Variants in ADGRL2 observed in about 807,000 individuals in gnomAD.
ADGRL2 encodes the protein adhesion G protein-coupled receptor L2.
A neutral mutation model predicts 157.4 loss-of-function variants in ADGRL2; 44 were observed. The ratio of observed to expected loss-of-function variants is 0.28; its 90% confidence interval spans 0.22 to 0.36. The LOEUF (loss-of-function observed/expected upper bound fraction) is 0.36. Among genes scored for constraint, ADGRL2 ranks in the 10% least tolerant of loss-of-function variants. The probability of loss-of-function intolerance (pLI) is 1.00; values close to 1 mark genes in which losing one functional copy is unlikely to be tolerated. For synonymous variants in ADGRL2, 585 were observed against 624.7 expected (o/e 0.94, Z 0.95); for missense variants, 1,510 against 1,768.9 (o/e 0.85, Z 2.63).
intron 1 of ADGRL2, among the ~76,000 whole-genome samples, chr1:81,339,009 T>G (rs143054961): frequency 6.6e-6 from 1 of 152,210 alleles, no homozygotes; most frequent in Non-Finnish European, 1.5e-5. Context: ...TAACTTTTAC[T>G]CAGCATACAA....
chr1:81,891,651 T>G (rs1271147957), intron 2 of ADGRL2, among the ~76,000 whole-genome samples: 2 of 152,196 alleles, frequency 1.3e-5, no homozygotes, highest in Non-Finnish European at 2.9e-5. Context: ...TGATACTCTT[T>G]ATTTGTAAGC....
At chr1:81,632,377 C>G (rs929271384) in intron 3 of ADGRL2, among the ~76,000 whole-genome samples, 24 of 152,122 alleles carry the variant, frequency 1.6e-4, no homozygotes, top group Admixed American at 4.6e-4. Context: ...AGGGAGAAAG[C>G]ACACACATCT....
intron 2 of ADGRL2, among the ~76,000 whole-genome samples, chr1:81,893,314 C>CTTTTTTTTTTTTT (rs759728020): frequency 2.7e-5 from 4 of 150,376 alleles, no homozygotes; most frequent in Non-Finnish European, 3.0e-5. Context: ...CTTATCAATC[C>CTTTTTTTTTTTTT]TGTCTTGTAT....
intron 1 of ADGRL2, among the ~76,000 whole-genome samples, chr1:81,723,998 T>G (rs2084425084): frequency 1.3e-5 from 2 of 152,166 alleles, no homozygotes; most frequent in Admixed American, 6.5e-5. Flanking sequence ...CAACTCCGTG[T>G]CTGCTTTCTG....
At chr1:81,522,688 T>C (rs553015674) in intron 2 of ADGRL2, among the ~76,000 whole-genome samples, 3 of 152,330 alleles carry the variant, frequency 2.0e-5, no homozygotes, top group South Asian at 4.1e-4. Context: ...AAAAACAACA[T>C]TGAAAATTAT....
At chr1:81,421,395 A>G (rs566379315) in intron 1 of ADGRL2, among the ~76,000 whole-genome samples, 1 of 152,340 alleles carries the variant, frequency 6.6e-6, no homozygotes, top group South Asian at 2.1e-4. Flanking sequence ...AGACTGCTAC[A>G]AAAATTAGAC....
At chr1:81,562,734 A>G (rs2080471545) in intron 2 of ADGRL2, among the ~76,000 whole-genome samples, 1 of 152,094 alleles carries the variant, frequency 6.6e-6, no homozygotes, top group South Asian at 2.1e-4. Flanking sequence ...CTATTAGGAA[A>G]TATTTTTTGT....
chr1:81,899,369 T>G (rs1455983523), intron 2 of ADGRL2, among the ~76,000 whole-genome samples: 1 of 152,180 alleles, frequency 6.6e-6, no homozygotes, highest in African/African-American at 2.4e-5. Flanking sequence ...GTGCATCTGT[T>G]TATTAGGAAT....
intron 1 of ADGRL2, among the ~76,000 whole-genome samples, chr1:81,421,532 A>T (rs1034103962): frequency 6.6e-6 from 1 of 152,174 alleles, no homozygotes; most frequent in Admixed American, 6.5e-5. Flanking sequence ...ACCATGAGAC[A>T]ATGGTCTTTC....
intron 3 of ADGRL2, among the ~76,000 whole-genome samples, chr1:81,628,375 A>G (rs903881334): frequency 2.0e-5 from 3 of 152,264 alleles, no homozygotes; most frequent in Admixed American, 2.0e-4. Context: ...GTGGATACTT[A>G]GTAATATTTT....
At chr1:81,387,182 C>T (rs181167109) in intron 1 of ADGRL2, among the ~76,000 whole-genome samples, 2 of 152,212 alleles carry the variant, frequency 1.3e-5, no homozygotes, top group East Asian at 1.9e-4. Context: ...TGTTATGTTA[C>T]GTGAAAACAC....
chr1:81,516,964 T>G (rs1296515698), intron 2 of ADGRL2, among the ~76,000 whole-genome samples: 1 of 152,030 alleles, frequency 6.6e-6, no homozygotes, highest in Admixed American at 6.6e-5. Context: ...TAGTAAATAC[T>G]TTAGCTTTTT....
chr1:81,607,893 A>C (rs2081465973), intron 3 of ADGRL2, among the ~76,000 whole-genome samples: 1 of 152,184 alleles, frequency 6.6e-6, no homozygotes, highest in Non-Finnish European at 1.5e-5. Flanking sequence ...GACAAAATCC[A>C]TTAAATGTAG....
At chr1:81,602,502 G>T (rs1353532543) in intron 3 of ADGRL2, among the ~76,000 whole-genome samples, 1 of 152,120 alleles carries the variant, frequency 6.6e-6, no homozygotes, top group East Asian at 1.9e-4. Context: ...CTGAGGCAGA[G>T]AATTGCTTGA....
At chr1:81,400,699 A>G (rs1337453532) in intron 1 of ADGRL2, among the ~76,000 whole-genome samples, 3 of 151,960 alleles carry the variant, frequency 2.0e-5, no homozygotes, top group Admixed American at 1.3e-4. Context: ...AGCAGCAAGT[A>G]CCCCAGAATG....
At chr1:81,360,375 C>T (rs2075957006) in intron 1 of ADGRL2, among the ~76,000 whole-genome samples, 1 of 151,858 alleles carries the variant, frequency 6.6e-6, no homozygotes, top group Non-Finnish European at 1.5e-5. Flanking sequence ...CCTATATACT[C>T]AAGAAAACAC....
At chr1:81,636,404 C>T (rs1204631563) in intron 3 of ADGRL2, among the ~76,000 whole-genome samples, 1 of 152,036 alleles carries the variant, frequency 6.6e-6, no homozygotes, top group East Asian at 1.9e-4. Flanking sequence ...GGGAGATTCT[C>T]ATGGGCTTTT....
intron 2 of ADGRL2, among the ~76,000 whole-genome samples, chr1:81,533,457 T>C (rs1041956668): frequency 6.6e-6 from 1 of 152,200 alleles, no homozygotes; most frequent in African/African-American, 2.4e-5. Context: ...TGCTCTTAAG[T>C]ATGTTCCTCT....
intron 1 of ADGRL2, among the ~76,000 whole-genome samples, chr1:81,712,862 A>C (rs1178269869): frequency 6.8e-6 from 1 of 147,302 alleles, no homozygotes; most frequent in Non-Finnish European, 1.5e-5. Flanking sequence ...TCCCGGGTTC[A>C]AGTGATTCTC....
Sources: allele counts gnomAD v4.1 joint callset (sites outside exome capture counted in the v4.1 genomes callset), GRCh38; gene constraint gnomAD v4.1.1; transcripts MANE v1.5; gene names NCBI Gene and HGNC (gene_info 2026-07-23, HGNC 2026-07-21).